The following XPO7 variants were observed in gnomAD, a reference collection of about 807,000 sequenced individuals.
The protein encoded by XPO7 is exportin 7.
Under a neutral mutation model 144.3 loss-of-function variants are expected in XPO7, and 21 were observed. The observed-to-expected ratio is 0.15, with a 90% CI of 0.10 to 0.21. The LOEUF is 0.21. Ranked by LOEUF, XPO7 falls within the 10% of genes least tolerant of loss-of-function variation. The pLI is 1.00. For missense variants in XPO7, 808 were observed against 1,325.8 expected (o/e 0.61, Z 6.06); for synonymous variants, 580 against 499.6 (o/e 1.16, Z -2.15).
chr8:21,933,636 G>A (rs1482286875), intron 1 of XPO7, among the ~76,000 whole-genome samples: 1 of 152,044 alleles, frequency 6.6e-6, no homozygotes, highest in African/African-American at 2.4e-5. Flanking sequence ...TATTTATATG[G>A]TGAGTCTATT....
chr8:21,967,913 G>C (rs1484582414), intron 2 of XPO7, among the ~76,000 whole-genome samples: 1 of 152,184 alleles, frequency 6.6e-6, no homozygotes, highest in Admixed American at 6.5e-5. Flanking sequence ...GATCCCCCCA[G>C]GGTCCCATGA....
At chr8:21,983,450 G>T (rs1812469992) in intron 11 of XPO7, among the ~76,000 whole-genome samples, 1 of 152,176 alleles carries the variant, frequency 6.6e-6, no homozygotes, top group Admixed American at 6.5e-5. Flanking sequence ...GGAGTCTAAG[G>T]GTCTGGGGCC....
At chr8:21,943,329 T>G (rs968394956) in intron 1 of XPO7, among the ~76,000 whole-genome samples, 1 of 152,218 alleles carries the variant, frequency 6.6e-6, no homozygotes, top group African/African-American at 2.4e-5. Context: ...GGCAGTTCCT[T>G]TTGAGTGTCA....
intron 1 of XPO7, chr8:21,966,209 A>G: frequency 1.3e-6 from 1 of 747,650 alleles, no homozygotes; most frequent in South Asian, 1.4e-5. Flanking sequence ...CTAGGGTTGA[A>G]TTTATTTTGA....
intron 1 of XPO7, among the ~76,000 whole-genome samples, chr8:21,937,508 G>A (rs938470224): frequency 1.3e-5 from 2 of 152,194 alleles, no homozygotes; most frequent in African/African-American, 4.8e-5. Context: ...GGATTCTGAA[G>A]TAGCTCATGG....
chr8:21,989,821 CTTTTTTTTTTT>C (rs1170364778), intron 16 of XPO7, among the ~76,000 whole-genome samples: 3 of 59,676 alleles, frequency 5.0e-5, no homozygotes, highest in Admixed American at 2.5e-4. Flanking sequence ...TAGGTGTTTC[CTTTTTTTTTTT>C]TTTTTTTTTT....
intron 1 of XPO7, among the ~76,000 whole-genome samples, chr8:21,946,863 G>T (rs936302072): frequency 6.6e-6 from 1 of 151,992 alleles, no homozygotes; most frequent in African/African-American, 2.4e-5. Context: ...GAACAGACTG[G>T]CAGATAAAGA....
At chr8:22,004,751 A>G (rs1453694134) in intron 27 of XPO7, among the ~76,000 whole-genome samples, 2 of 151,400 alleles carry the variant, frequency 1.3e-5, no homozygotes, top group Admixed American at 6.6e-5. Flanking sequence ...GCAACTTCCT[A>G]CTTCTGTCAG....
Position 21,919,744 on chromosome 8 carries a change from G to T in XPO7, c.-27G>T, listed in dbSNP as rs1467151271. On this transcript the variant is annotated 5_prime_UTR_variant, in exon 1 of 28. Coordinates refer to ENST00000252512, the MANE Select transcript of XPO7 (RefSeq NM_015024.5). ...AGGTGCGCGCTGGGGGGGAGGGGGGGCCGGAGAGGAGCATGAATGGAGCAA... is the reference window on the plus strand; with the variant it reads ...AGGTGCGCGCTGGGGGGGAGGGGGGTCCGGAGAGGAGCATGAATGGAGCAA... 2.9e-6 allele frequency: 1 copy of T among 342,294 alleles called. No individual in the cohort carries two copies. Among genetic ancestry groups the T allele is most frequent in the Non-Finnish European group, 4.6e-6 (1 of 216,738 alleles). The allele number at this position is 342,294 out of a possible 1,614,324, so 21.2% of individuals were successfully genotyped here.
At chr8:21,936,984 A>G (rs1366741947) in intron 1 of XPO7, among the ~76,000 whole-genome samples, 1 of 152,224 alleles carries the variant, frequency 6.6e-6, no homozygotes, top group Non-Finnish European at 1.5e-5. Flanking sequence ...TGGCCTTAGC[A>G]AGATAAAAAC....
At position 21,947,296 on chromosome 8, in the gene XPO7, C is replaced by CT. The variant is rs557524011; in HGVS notation, c.19-19553dup. ...ATAAGATACACTGCCTAATTTTGGA[C>CT]TTTTTTTTAGAATATGTGATAACTA... On this transcript the variant is annotated intron_variant, in intron 1 of 27. Transcript: ENST00000252512. Among the ~76,000 whole-genome samples the CT allele has an allele frequency of 4.7e-4, 72 of 151,840 alleles. No homozygotes were observed. The Middle Eastern group carries it at 0.014, about 29-fold the overall frequency.
At chr8:21,950,121 A>G (rs1811321570) in intron 1 of XPO7, among the ~76,000 whole-genome samples, 1 of 152,188 alleles carries the variant, frequency 6.6e-6, no homozygotes, top group South Asian at 2.1e-4. Context: ...ACTGTTGGTC[A>G]TTTTTGTTAG....
At chr8:21,923,183 G>A (rs1810347390) in intron 1 of XPO7, among the ~76,000 whole-genome samples, 1 of 152,302 alleles carries the variant, frequency 6.6e-6, no homozygotes, top group African/African-American at 2.4e-5. Context: ...ATACCAGAAT[G>A]CTTAGTGTGT....
intron 24 of XPO7, among the ~76,000 whole-genome samples, chr8:22,000,453 A>ATTTTT (rs34272523): frequency 3.9e-5 from 5 of 128,718 alleles, no homozygotes; most frequent in Admixed American, 8.1e-5. Flanking sequence ...CCTTCCAACA[A>ATTTTT]TTTTTTTTTT....
chr8:21,973,472 A>G (rs1812131874), intron 5 of XPO7, among the ~76,000 whole-genome samples: 1 of 152,234 alleles, frequency 6.6e-6, no homozygotes, highest in African/African-American at 2.4e-5. Flanking sequence ...TGACAGAAGC[A>G]AGAATTGGAG....
At chr8:21,934,821 A>C (rs1342939609) in intron 1 of XPO7, among the ~76,000 whole-genome samples, 2 of 152,218 alleles carry the variant, frequency 1.3e-5, no homozygotes, top group African/African-American at 4.8e-5. Context: ...TAAAATGCTA[A>C]TTCCATAAAT....
chr8:21,940,794 G>T (rs1484605393), intron 1 of XPO7, among the ~76,000 whole-genome samples: 1 of 152,104 alleles, frequency 6.6e-6, no homozygotes, highest in Non-Finnish European at 1.5e-5. Flanking sequence ...TCATCGTCCT[G>T]TATAGTCTTG....
At chr8:21,960,201 G>T (rs781758670) in intron 1 of XPO7, among the ~76,000 whole-genome samples, 2 of 152,218 alleles carry the variant, frequency 1.3e-5, no homozygotes, top group Non-Finnish European at 2.9e-5. Flanking sequence ...CAGGAAGCTG[G>T]AAAACCAGAT....
At chr8:21,998,556 A>G (rs1388112925) in intron 21 of XPO7, among the ~76,000 whole-genome samples, 199 bp from the exon 22 acceptor site, 2 of 152,134 alleles carry the variant, frequency 1.3e-5, no homozygotes, top group Non-Finnish European at 2.9e-5. Context: ...CAGAATCTGA[A>G]TCTAGCATGT....
Sources: gnomAD v4.1 joint callset for allele counts (sites outside exome capture counted in the v4.1 genomes callset) on GRCh38, gnomAD v4.1.1 for gene constraint, MANE v1.5 for transcripts, NCBI Gene and HGNC (gene_info 2026-07-23, HGNC 2026-07-21) for gene names.